The following FAHD2B variants were observed in gnomAD, a reference collection of about 807,000 sequenced individuals.
FAHD2B encodes oxaloacetate tautomerase FAHD2B, mitochondrial.
Under a neutral mutation model 33.7 loss-of-function variants are expected in FAHD2B, and 26 were observed. The ratio of observed to expected loss-of-function variants is 0.77; its 90% CI spans 0.57 to 1.07. The LOEUF (loss-of-function observed/expected upper bound fraction) is 1.07, where lower values mean the gene tolerates loss of function less well. Ranked by LOEUF, FAHD2B falls within the 50% of genes least tolerant of loss-of-function variation. FAHD2B has a pLI of 0.00. For missense variants in FAHD2B, 272 were observed against 388.1 expected, an observed-to-expected ratio of 0.70 and a Z score of 2.51; for synonymous variants, 108 against 150.9, an observed-to-expected ratio of 0.72 and a Z score of 2.08.
downstream of FAHD2B, among the ~76,000 whole-genome samples, chr2:97,079,172 T>C (rs147856003): frequency 4.2e-3 from 646 of 152,132 alleles, 3 homozygotes; most frequent in African/African-American, 0.014. Context: ...CAGTCTATCA[T>C]TGATGGGCAT....
chr2:97,090,362 G>A (rs1484131975), intron 3 of FAHD2B, 37 bp from the exon 4 acceptor site: 1 of 1,479,486 alleles, frequency 6.8e-7, no homozygotes, highest in Non-Finnish European at 8.9e-7. Context: ...GTCTGGCTGG[G>A]AACAGGTGGG....
At chr2:97,079,890 T>G (rs968564404), downstream of FAHD2B, among the ~76,000 whole-genome samples, 1 of 152,004 alleles carries the variant, frequency 6.6e-6, no homozygotes, top group African/African-American at 2.4e-5. Context: ...GTCTTGAACT[T>G]CTGACCTCAG....
downstream of FAHD2B, chr2:97,081,220 C>T (rs58152512): frequency 3.9e-3 from 5,819 of 1,488,714 alleles, 235 homozygotes; most frequent in East Asian, 0.09. Flanking sequence ...GCTGATGCAC[C>T]TGCTGCCGCA....
intron 4 of FAHD2B, chr2:97,089,650 T>TATATATATA (rs2032210151): frequency 6.3e-6 from 1 of 159,378 alleles, no homozygotes; most frequent in Non-Finnish European, 1.4e-5. Flanking sequence ...AGTAAGGTAC[T>TATATATATA]CAGGAATATA....
At chr2:97,083,100 T>G, downstream of FAHD2B, 1 of 1,517,148 alleles carries the variant, frequency 6.6e-7, no homozygotes, top group Non-Finnish European at 8.8e-7. Context: ...GCAGACACAG[T>G]CCCTGTGGTG....
downstream of FAHD2B, among the ~76,000 whole-genome samples, chr2:97,079,011 G>C (rs1386624203): frequency 1.3e-5 from 2 of 152,020 alleles, no homozygotes; most frequent in African/African-American, 4.8e-5. Context: ...AAGAACATGT[G>C]GTATAATATT....
At chr2:97,090,643 A>G (rs2032282774) in intron 3 of FAHD2B, among the ~76,000 whole-genome samples, 1 of 152,034 alleles carries the variant, frequency 6.6e-6, no homozygotes, top group Admixed American at 6.6e-5. Flanking sequence ...CAGCTACTCT[A>G]TGGATATTCT....
Position 97,090,343 on chromosome 2 carries a change from G to C in FAHD2B, c.246-18C>G. 6.4e-7 allele frequency: 1 copy of C among 1,558,478 alleles called. No homozygotes were observed. The highest frequency in any genetic ancestry group is 1.2e-5 in the South Asian group (1 of 83,526). On this transcript the variant is annotated intron_variant, in intron 3 of 8. Transcript: ENST00000414820. ...CCAAGGCTCTGTAGAGACCAGAGCA[G>C]GTGAGAGGGTCTGGCTGGGAACAGG...
Position 97,091,513 on chromosome 2 carries a change from G to A in FAHD2B, c.194C>T (p.Thr65Met), listed in dbSNP as rs777292772. ...TCCCTGCTCTAGGAACTGCGTCATC[G>A]TCTTTGGGAGTGTGGGGTCAAAGGC... ...LNAFDPTLPK[T>M]MTQFLEQGEA... Residue 65 changes from threonine (T) to methionine (M), a missense_variant, in exon 3 of 9, where the codon ACG (threonine) becomes ATG (methionine). Transcript: ENST00000414820. 1.1e-5 allele frequency: 17 copies of A among 1,613,306 alleles called. No homozygotes were observed. Among genetic ancestry groups the A allele is most frequent in the South Asian group, 8.8e-5 (8 of 90,968 alleles).
intron 6 of FAHD2B, 60 bp downstream of exon 6, chr2:97,085,639 C>T (rs1321854416): frequency 5.0e-6 from 8 of 1,600,644 alleles, no homozygotes; most frequent in Non-Finnish European, 6.8e-6. Flanking sequence ...CATGCTCCTC[C>T]CTGGAGGGCT....
downstream of FAHD2B, among the ~76,000 whole-genome samples, chr2:97,081,712 G>A (rs1331713476): frequency 6.7e-6 from 1 of 148,672 alleles, no homozygotes; most frequent in Admixed American, 6.6e-5. Context: ...CCTATGCCCC[G>A]GTTCTGTGTG....
At chr2:97,081,083 T>C (rs2031626321), downstream of FAHD2B, 11 of 1,509,556 alleles carry the variant, frequency 7.3e-6, no homozygotes, top group African/African-American at 7.0e-5. Context: ...TTCCTCATAA[T>C]GGACCCTCCG....
intron 6 of FAHD2B, among the ~76,000 whole-genome samples, chr2:97,084,934 G>C (rs1467504821): frequency 6.7e-6 from 1 of 150,350 alleles, no homozygotes; most frequent in African/African-American, 2.5e-5. Flanking sequence ...AAAAGACTCA[G>C]AATCTATAAA....
Position 97,094,832 on chromosome 2 carries a change from G to A in FAHD2B, c.-264C>T, listed in dbSNP as rs1574388351. 3 of 129,720 alleles carry A rather than the reference G, an allele frequency of 2.3e-5. No homozygotes were observed. The Admixed American group carries it at 2.4e-4, about 10-fold the overall frequency. The allele number at this position is 129,720 out of a possible 1,614,324, so 8.0% of individuals were successfully genotyped here. On this transcript the variant is annotated 5_prime_UTR_variant, in exon 1 of 9. Transcript: ENST00000414820. ...CCAGCCGGGGAACTACAGCAGCGGCGAAGTCACTGCCGCTCGGTGCGCACT... is the reference window on the plus strand; with the variant it reads ...CCAGCCGGGGAACTACAGCAGCGGCAAAGTCACTGCCGCTCGGTGCGCACT...
chr2:97,090,438 T>C, intron 3 of FAHD2B, 113 bp from the exon 4 acceptor site: 1 of 1,466,444 alleles, frequency 6.8e-7, no homozygotes, highest in Middle Eastern at 2.2e-4. Flanking sequence ...ATCTATTTCC[T>C]AGCTCTATCA....
intron 4 of FAHD2B, among the ~76,000 whole-genome samples, chr2:97,087,508 GC>G (rs1272949725): frequency 6.6e-6 from 1 of 151,992 alleles, no homozygotes; most frequent in Non-Finnish European, 1.5e-5. Context: ...GACCAGCCTG[GC>G]CAACATGGTG....
chr2:97,085,868 G>C lies in FAHD2B; in HGVS notation c.523-7C>G, dbSNP rs201393894. ...GGGCCATGGCATCTGTGGCCTATGG[G>C]GGCAGGGGATTTGGCCATACAGGAG... is the stretch of plus-strand genomic sequence containing the variant. On this transcript the variant is annotated splice_polypyrimidine_tract_variant and splice_region_variant and intron_variant, in intron 5 of 8. Transcript: ENST00000414820. The C allele has an allele frequency of 9.9e-6, 16 of 1,613,690 alleles. No individual in the cohort carries two copies. Among genetic ancestry groups the C allele is most frequent in the East Asian group, 6.7e-5 (3 of 44,900 alleles).
At chr2:97,086,779 C>T (rs2032016602) in intron 4 of FAHD2B, 1 of 153,738 alleles carries the variant, frequency 6.5e-6, no homozygotes, top group South Asian at 2.0e-4. Flanking sequence ...GGTATAAGTA[C>T]ACCTGACATC....
chr2:97,090,671 T>G (rs1281815447), intron 3 of FAHD2B, among the ~76,000 whole-genome samples: 1 of 152,118 alleles, frequency 6.6e-6, no homozygotes, highest in Non-Finnish European at 1.5e-5. Flanking sequence ...CCCTTTTGTA[T>G]GTAATGATAG....
Sources: allele counts gnomAD v4.1 joint callset (sites outside exome capture counted in the v4.1 genomes callset), GRCh38; gene constraint gnomAD v4.1.1; transcripts MANE v1.5; gene names NCBI Gene and HGNC (gene_info 2026-07-23, HGNC 2026-07-21).